Variants in MCTP2 observed in about 807,000 individuals in gnomAD.
MCTP2 encodes the protein multiple C2 and transmembrane domain-containing protein 2.
MCTP2 carries 132 observed loss-of-function variants against 111.6 expected under a neutral mutation model. The observed-to-expected ratio is 1.18, with a 90% CI of 1.03 to 1.37. MCTP2 has a LOEUF of 1.37. Ranked by LOEUF, MCTP2 falls within the 40% of genes most tolerant of loss-of-function variation. The pLI, the probability that MCTP2 is intolerant of heterozygous loss-of-function variation, is 0.00. For missense variants in MCTP2, 1,183 were observed against 1,067.9 expected, an observed-to-expected ratio of 1.11 and a Z score of -1.50; for synonymous variants, 395 against 387.7, an observed-to-expected ratio of 1.02 and a Z score of -0.22.
rs1249064779 is a variant in MCTP2 at position 94,479,861 on chromosome 15, A to C, written c.*827A>C. ...GGTGGGGGTAGGGGAGAAATGAATGAATAAATTCTCTAGGTATTTAGAAAG... is the reference window on the plus strand; with the variant it reads ...GGTGGGGGTAGGGGAGAAATGAATGCATAAATTCTCTAGGTATTTAGAAAG... On this transcript the variant is annotated 3_prime_UTR_variant, in exon 23 of 23. Transcript: ENST00000357742. 6.6e-6 allele frequency: 1 copy of C among 152,184 alleles called. No individual in the cohort carries two copies. The highest frequency in any genetic ancestry group is 1.5e-5 in the Non-Finnish European group (1 of 68,036). The allele number at this position is 152,184 out of a possible 1,614,324, so 9.4% of individuals were successfully genotyped here.
chr15:94,461,127 T>G (rs529790525), intron 20 of MCTP2, among the ~76,000 whole-genome samples: 91 of 152,356 alleles, frequency 6.0e-4, no homozygotes, highest in Non-Finnish European at 1.1e-3. Flanking sequence ...ACACAAATTT[T>G]AAATGTATGT....
intron 6 of MCTP2, 68 bp downstream of exon 6, chr15:94,340,343 G>C (rs904995049): frequency 3.9e-5 from 45 of 1,166,912 alleles, no homozygotes; most frequent in Non-Finnish European, 5.3e-5. Flanking sequence ...ATGTTAAATG[G>C]TGCTTGTTGA....
chr15:94,247,726 G>A (rs2072118703), intron 1 of MCTP2, among the ~76,000 whole-genome samples: 1 of 152,088 alleles, frequency 6.6e-6, no homozygotes, highest in African/African-American at 2.4e-5. Flanking sequence ...TTATCATAGA[G>A]CAATAAATAT....
intron 17 of MCTP2, among the ~76,000 whole-genome samples, chr15:94,413,383 A>T (rs1035064481): frequency 2.0e-5 from 3 of 152,114 alleles, no homozygotes; most frequent in Admixed American, 6.5e-5. Flanking sequence ...TAAGATCCAG[A>T]TTACTGCCCA....
chr15:94,378,974 A>G (rs2079937582), intron 12 of MCTP2, among the ~76,000 whole-genome samples: 1 of 152,194 alleles, frequency 6.6e-6, no homozygotes, highest in Non-Finnish European at 1.5e-5. Flanking sequence ...CAAACTCATT[A>G]TCATAGGAGT....
rs199556945 is a variant in MCTP2, at chr15:94,318,272, ATTTTTTTTTTTTTT to A, written c.637+2651_637+2664del. ...TTTATGGAATTTCTTCAAAAAAAAA[ATTTTTTTTTTTTTT>A]TTTTTTTTTTTTTTTGAGACGGAGT... is the stretch of plus-strand genomic sequence containing the variant. On this transcript the variant is annotated intron_variant, in intron 4 of 22. Transcript: ENST00000357742. 2.7e-3 allele frequency among the ~76,000 whole-genome samples: 391 copies of A among 143,200 alleles called. 4 individuals carry two copies. The highest frequency in any genetic ancestry group is 3.7e-3 in the Non-Finnish European group (241 of 65,522). The allele number at this position is 143,200 out of a possible 152,430, so 93.9% of individuals were successfully genotyped here.
chr15:94,473,703 C>T lies in MCTP2; in HGVS notation c.2471-2993C>T, dbSNP rs964849947. 5.3e-5 allele frequency among the ~76,000 whole-genome samples: 8 copies of T among 152,220 alleles called. No homozygotes were observed. In the East Asian group the frequency reaches 1.2e-3, roughly 22 times the overall value. ...CTTTTTGCAAGAAGGACCTATGCCTCGTTTAAGTTTGTATCTTCACTTGAT... is the reference window on the plus strand; with the variant it reads ...CTTTTTGCAAGAAGGACCTATGCCTTGTTTAAGTTTGTATCTTCACTTGAT... On this transcript the variant is annotated intron_variant, in intron 21 of 22. Transcript: ENST00000357742.
intron 1 of MCTP2, among the ~76,000 whole-genome samples, chr15:94,249,720 C>T (rs1327475829): frequency 1.3e-5 from 2 of 151,998 alleles, no homozygotes; most frequent in African/African-American, 2.4e-5. Flanking sequence ...CTCCTGACCT[C>T]GTGATCCACC....
intron 19 of MCTP2, among the ~76,000 whole-genome samples, chr15:94,448,289 G>C (rs1194496088): frequency 1.3e-5 from 2 of 152,100 alleles, no homozygotes; most frequent in African/African-American, 4.8e-5. Context: ...AATATTCCTA[G>C]TACAAGTAGA....
intron 17 of MCTP2, among the ~76,000 whole-genome samples, chr15:94,408,639 C>T (rs1035606138): frequency 3.3e-5 from 5 of 152,024 alleles, no homozygotes; most frequent in African/African-American, 7.3e-5. Context: ...TTACAGTAAT[C>T]GCATTAAAAA....
chr15:94,392,689 G>A (rs796566465), intron 14 of MCTP2, among the ~76,000 whole-genome samples: 11 of 151,928 alleles, frequency 7.2e-5, no homozygotes, highest in African/African-American at 2.2e-4. Context: ...GGTGGCATGC[G>A]CCTGTAATCC....
chr15:94,417,182 G>A (rs574959472), intron 17 of MCTP2, among the ~76,000 whole-genome samples: 2 of 152,112 alleles, frequency 1.3e-5, no homozygotes, highest in African/African-American at 2.4e-5. Flanking sequence ...GGTTTTACCT[G>A]AACATCTGCC....
intron 19 of MCTP2, among the ~76,000 whole-genome samples, chr15:94,455,255 G>C (rs293575): frequency 0.068 from 10,327 of 152,244 alleles, 474 homozygotes; most frequent in East Asian, 0.15. Context: ...CTAACATATT[G>C]TCTTAAAATG....
chr15:94,302,905 G>A (rs902991864), intron 2 of MCTP2, among the ~76,000 whole-genome samples: 4 of 151,668 alleles, frequency 2.6e-5, no homozygotes, highest in African/African-American at 9.7e-5. Context: ...TAATATGGAC[G>A]ACTTACAGTT....
At chr15:94,326,672 A>T (rs2076886848) in intron 4 of MCTP2, among the ~76,000 whole-genome samples, 1 of 151,880 alleles carries the variant, frequency 6.6e-6, no homozygotes, top group South Asian at 2.1e-4. Context: ...GGTTCAAGCA[A>T]TTCTCCTGCC....
At chr15:94,388,167 GT>G (rs2080627443) in intron 14 of MCTP2, among the ~76,000 whole-genome samples, 1 of 152,196 alleles carries the variant, frequency 6.6e-6, no homozygotes. Context: ...TCCACATTAT[GT>G]GTTTGTTTCT....
chr15:94,340,844 C>T lies in MCTP2; in HGVS notation c.889C>T (p.Pro297Ser), dbSNP rs2077599511. 1 of 1,611,926 alleles carries T rather than the reference C, an allele frequency of 6.2e-7. No homozygotes were observed. The highest frequency in any genetic ancestry group is 8.5e-7 in the Non-Finnish European group (1 of 1,178,758). Residue 297 changes from proline to serine, a missense_variant, in exon 7 of 23, where the codon CCA becomes TCA. Coordinates refer to ENST00000357742, the MANE Select transcript of MCTP2 (RefSeq NM_001385001.1). ...TTEHILKLED[P>S]NSLEDDMGVI... ...TGAACATATTTTAAAACTGGAAGAT[C>T]CAAACAGTTTAGAAGATGACATGGG... is the stretch of plus-strand genomic sequence containing the variant.
chr15:94,302,538 G>C (rs934211043), intron 2 of MCTP2, among the ~76,000 whole-genome samples: 11 of 152,192 alleles, frequency 7.2e-5, no homozygotes, highest in African/African-American at 2.4e-4. Context: ...CATACGCTTA[G>C]AAGAAAGGAT....
chr15:94,382,876 C>G (rs2080230088), intron 12 of MCTP2, among the ~76,000 whole-genome samples: 1 of 152,242 alleles, frequency 6.6e-6, no homozygotes, highest in South Asian at 2.1e-4. Context: ...TTCGTTCTTT[C>G]CCTGACAGTT....
Sources: gnomAD v4.1 joint callset for allele counts (sites outside exome capture counted in the v4.1 genomes callset) on GRCh38, gnomAD v4.1.1 for gene constraint, MANE v1.5 for transcripts, NCBI Gene and HGNC (gene_info 2026-07-23, HGNC 2026-07-21) for gene names.